CALN1: variants seen among roughly 807,000 people sequenced by gnomAD.
CALN1 encodes the protein calneuron 1, also known as calcium-binding protein 8.
A neutral mutation model predicts 30.6 loss-of-function variants in CALN1; 17 were observed. That is an observed-to-expected ratio of 0.56 (90% CI 0.38 to 0.83). The LOEUF is 0.83. Among genes scored for constraint, CALN1 ranks in the 40% least tolerant of loss-of-function variants. The pLI is 0.00. For missense variants in CALN1, 291 were observed against 354.9 expected (o/e 0.82, Z 1.45); for synonymous variants, 156 against 131.4 (o/e 1.19, Z -1.28).
chr7:72,109,762 G>A (rs1046697276), intron 3 of CALN1, among the ~76,000 whole-genome samples: 11 of 152,320 alleles, frequency 7.2e-5, no homozygotes, highest in African/African-American at 1.9e-4. Context: ...ATGGGAGGAC[G>A]CAGAGGCCAG....
chr7:72,461,549 G>A, the CALN1 span, among the ~76,000 whole-genome samples: 2 of 152,116 alleles, frequency 1.3e-5, no homozygotes, highest in Non-Finnish European at 2.9e-5. Context: ...GCAAATTAAC[G>A]CAGAAACAAA....
intron 4 of CALN1, among the ~76,000 whole-genome samples, chr7:72,068,769 G>A (rs1216978593): frequency 6.6e-6 from 1 of 152,166 alleles, no homozygotes; most frequent in Non-Finnish European, 1.5e-5. Context: ...GGGATTACAG[G>A]CATGAGCCAC....
intron 2 of CALN1, among the ~76,000 whole-genome samples, chr7:72,340,454 C>A (rs894605326): frequency 6.6e-6 from 1 of 152,098 alleles, no homozygotes; most frequent in Non-Finnish European, 1.5e-5. Context: ...TTGCCTGTAG[C>A]CTCTGCCTCC....
chr7:71,939,359 A>G (rs1796002731), intron 5 of CALN1, among the ~76,000 whole-genome samples: 1 of 148,546 alleles, frequency 6.7e-6, no homozygotes, highest in South Asian at 2.2e-4. Flanking sequence ...GGAGTTCCAG[A>G]CCAGCCTGGG....
In CALN1 at chr7:71,809,000, CA is replaced by C. The variant is rs143419739; in HGVS notation, c.658+1335del. 2.8e-4 allele frequency among the ~76,000 whole-genome samples: 42 copies of C among 152,210 alleles called. 2 individuals carry two copies. In the East Asian group the frequency reaches 7.3e-3, roughly 27 times the overall value. ...TATAAGATCAGTGTGACTCCCACTCCAAATACAGTCATTGATGCTATCACCC... is the reference window on the plus strand; with the variant it reads ...TATAAGATCAGTGTGACTCCCACTCCAATACAGTCATTGATGCTATCACCC... On this transcript the variant is annotated intron_variant, in intron 6 of 6. Coordinates refer to ENST00000395275, the MANE Select transcript of CALN1 (RefSeq NM_031468.4).
chr7:71,870,832 G>A (rs1172318759), intron 5 of CALN1, among the ~76,000 whole-genome samples: 1 of 152,198 alleles, frequency 6.6e-6, no homozygotes, highest in Non-Finnish European at 1.5e-5. Context: ...TTAGTGGGCA[G>A]TTGGGTTGGC....
intron 4 of CALN1, among the ~76,000 whole-genome samples, chr7:72,069,156 C>T (rs1037282135): frequency 1.3e-5 from 2 of 152,134 alleles, no homozygotes; most frequent in South Asian, 2.1e-4. Context: ...GACGTCCGTG[C>T]GGAATCGCAG....
At chr7:72,099,683 C>A (rs1255340817) in intron 4 of CALN1, among the ~76,000 whole-genome samples, 2 of 152,084 alleles carry the variant, frequency 1.3e-5, no homozygotes, top group African/African-American at 2.4e-5. Flanking sequence ...GCAGCAATAC[C>A]CGTAGCCTAC....
At chr7:71,949,038 G>A (rs189414390) in intron 5 of CALN1, among the ~76,000 whole-genome samples, 106 of 83,488 alleles carry the variant, frequency 1.3e-3, no homozygotes, top group African/African-American at 5.1e-3. Flanking sequence ...GCAAGACTCT[G>A]TCTCTTAAAA....
chr7:72,286,321 C>T (rs772622127), intron 2 of CALN1, among the ~76,000 whole-genome samples: 42 of 152,186 alleles, frequency 2.8e-4, no homozygotes, highest in Non-Finnish European at 4.4e-4. Context: ...CCTCTAGCTA[C>T]TCATGGATCA....
chr7:72,359,073 G>A (rs951055420), intron 2 of CALN1, among the ~76,000 whole-genome samples: 6 of 151,702 alleles, frequency 4.0e-5, no homozygotes, highest in Non-Finnish European at 7.4e-5. Flanking sequence ...ATCTCTTCCT[G>A]CCAAAGGCCA....
chr7:72,227,034 T>C (rs1052652064), intron 3 of CALN1, among the ~76,000 whole-genome samples: 9 of 151,800 alleles, frequency 5.9e-5, no homozygotes, highest in Non-Finnish European at 8.8e-5. Flanking sequence ...AGACTCCATC[T>C]CAAAAACAAG....
Position 72,125,799 on chromosome 7 carries a change from C to CTT in CALN1, c.245-19507_245-19506dup, listed in dbSNP as rs61475416. ...CAAGTCCCAAGTCCACTGTATCATTCTTTTTTTTTTTTTTTTTTTTGAGAC... is the reference window on the plus strand; with the variant it reads ...CAAGTCCCAAGTCCACTGTATCATTCTTTTTTTTTTTTTTTTTTTTTTGAGAC... On this transcript the variant is annotated intron_variant, in intron 3 of 6. Transcript: ENST00000395275. Among the ~76,000 whole-genome samples the CTT allele has an allele frequency of 4.9e-3, 558 of 114,742 alleles. 19 individuals are homozygous for CTT. The highest frequency in any genetic ancestry group is 0.016 in the African/African-American group (472 of 29,982). 75.3% of individuals were successfully genotyped at this position (114,742 alleles called of 152,430 possible).
intron 3 of CALN1, among the ~76,000 whole-genome samples, chr7:72,231,273 T>C (rs1391442130): frequency 1.3e-5 from 2 of 152,170 alleles, no homozygotes; most frequent in East Asian, 3.8e-4. Context: ...TTCCTAATGC[T>C]CTCCCTCCCC....
intron 2 of CALN1, among the ~76,000 whole-genome samples, chr7:72,313,328 A>G (rs1429876619): frequency 6.6e-6 from 1 of 152,184 alleles, no homozygotes; most frequent in East Asian, 1.9e-4. Context: ...AACATTTGGA[A>G]AAAAATAACA....
chr7:72,257,361 T>C (rs1362270238), intron 3 of CALN1, among the ~76,000 whole-genome samples: 5 of 152,078 alleles, frequency 3.3e-5, no homozygotes, highest in Non-Finnish European at 5.9e-5. Flanking sequence ...CTGAGATGTG[T>C]GACTGTTTAA....
At chr7:72,254,181 G>A (rs1268842011) in intron 3 of CALN1, among the ~76,000 whole-genome samples, 4 of 152,078 alleles carry the variant, frequency 2.6e-5, no homozygotes, top group East Asian at 1.9e-4. Context: ...TCGGTGCTGC[G>A]CTGTCTCTCT....
intron 2 of CALN1, among the ~76,000 whole-genome samples, chr7:72,402,915 A>T (rs1443978757): frequency 6.6e-6 from 1 of 152,172 alleles, no homozygotes; most frequent in Non-Finnish European, 1.5e-5. Context: ...GAATTGATTG[A>T]AATTGTCTAT....
rs138060244 is a variant in CALN1 at position 72,377,436 on chromosome 7, C to CGTGTGTGTGTGTGTGTGT, written c.119+25797_119+25814dup. 6.3e-5 allele frequency among the ~76,000 whole-genome samples: 9 copies of CGTGTGTGTGTGTGTGTGT among 142,434 alleles called. No individual in the cohort carries two copies. The East Asian group carries it at 6.4e-4, about 10-fold the overall frequency. 93.4% of individuals were successfully genotyped at this position (142,434 alleles called of 152,430 possible). A position where few individuals can be genotyped will look rare whatever the true frequency, so the allele number is the denominator to read the frequency against. Reference sequence around the variant, plus strand: ...CTTTGGGTAATATGGGCCACACTTTCGTGTGTGTGTGTGTGTGTGTGTGTG... The same window carrying CGTGTGTGTGTGTGTGTGT: ...CTTTGGGTAATATGGGCCACACTTTCGTGTGTGTGTGTGTGTGTGTGTGTGTGTGTGTGTGTGTGTGTG... On this transcript the variant is annotated intron_variant, in intron 2 of 6. Coordinates refer to ENST00000395275, the MANE Select transcript of CALN1 (RefSeq NM_031468.4).
Sources: allele counts gnomAD v4.1 joint callset (sites outside exome capture counted in the v4.1 genomes callset), GRCh38; gene constraint gnomAD v4.1.1; transcripts MANE v1.5; gene names NCBI Gene and HGNC (gene_info 2026-07-23, HGNC 2026-07-21).